The following EYS variants were observed in gnomAD, a reference collection of about 807,000 sequenced individuals.
EYS encodes EGF-like photoreceptor maintenance factor, also known as protein eyes shut homolog.
A neutral mutation model predicts 282.1 loss-of-function variants in EYS; 250 were observed. That is an observed-to-expected ratio of 0.89 (90% CI 0.80 to 0.98). EYS has a LOEUF of 0.98. Among genes scored for constraint, EYS ranks in the 50% least tolerant of loss-of-function variants. EYS has a pLI of 0.00. For synonymous variants in EYS, 1,355 were observed against 1,282.9 expected (o/e 1.06, Z -1.20); for missense variants, 4,016 against 3,709.0 (o/e 1.08, Z -2.15).
intron 35 of EYS, among the ~76,000 whole-genome samples, chr6:63,909,941 T>C (rs1010211777): frequency 6.6e-6 from 1 of 152,080 alleles, no homozygotes; most frequent in Non-Finnish European, 1.5e-5. Flanking sequence ...GGTCATGAAG[T>C]GATATTTTTA....
intron 5 of EYS, among the ~76,000 whole-genome samples, chr6:65,484,998 C>T (rs528157935): frequency 7.2e-5 from 11 of 152,310 alleles, no homozygotes; most frequent in African/African-American, 2.4e-4. Flanking sequence ...TATTTACTAT[C>T]TAACTCTTTA....
chr6:64,050,829 G>A (rs1770786237), intron 33 of EYS, among the ~76,000 whole-genome samples: 1 of 152,182 alleles, frequency 6.6e-6, no homozygotes, highest in Non-Finnish European at 1.5e-5. Flanking sequence ...AAATCTGGCA[G>A]TATGACTAAG....
intron 31 of EYS, among the ~76,000 whole-genome samples, chr6:64,133,140 T>TA (rs540682557): frequency 0.014 from 2,149 of 152,134 alleles, 52 homozygotes; most frequent in African/African-American, 0.048. Context: ...GTATTTTTTG[T>TA]AACAAAAAAG....
intron 1 of EYS, among the ~76,000 whole-genome samples, chr6:65,699,432 CA>C (rs138706833): frequency 1.2e-4 from 17 of 145,008 alleles, no homozygotes; most frequent in Non-Finnish European, 9.1e-5. Context: ...AATTACAAAA[CA>C]AAAAAAAAAG....
Position 65,219,363 on chromosome 6 carries a change from C to T in EYS, c.2023+76500G>A, listed in dbSNP as rs145283727. Reference sequence around the variant, plus strand: ...AGAGAAAATTGGTGATTGGTAAAACCATACAGAATAGTTCACAACCTAAAT... The same window carrying T: ...AGAGAAAATTGGTGATTGGTAAAACTATACAGAATAGTTCACAACCTAAAT... On this transcript the variant is annotated intron_variant, in intron 12 of 42. Transcript: ENST00000503581. 4.4e-3 allele frequency among the ~76,000 whole-genome samples: 663 copies of T among 152,064 alleles called. 3 individuals carry two copies. The highest frequency in any genetic ancestry group is 0.015 in the African/African-American group (609 of 41,502).
rs560010740 is a variant in EYS, at chr6:65,092,409, C to T, written c.2024-34682G>A. Among the ~76,000 whole-genome samples, 121 of 152,180 alleles carry T rather than the reference C, an allele frequency of 8.0e-4. 1 individual carries two copies. In the South Asian group the frequency reaches 0.024, roughly 30 times the overall value. On this transcript the variant is annotated intron_variant, in intron 12 of 42. Coordinates refer to ENST00000503581, the MANE Select transcript of EYS (RefSeq NM_001142800.2). Reference sequence around the variant, plus strand: ...TAATAACTACTCATATATTTACCAGCGCCTGAAAATCAAATGTGTTATAAC... The same window carrying T: ...TAATAACTACTCATATATTTACCAGTGCCTGAAAATCAAATGTGTTATAAC...
intron 11 of EYS, among the ~76,000 whole-genome samples, chr6:65,309,438 A>C (rs1769097214): frequency 6.6e-6 from 1 of 152,152 alleles, no homozygotes; most frequent in African/African-American, 2.4e-5. Flanking sequence ...GGCCTGATAG[A>C]CTTGTCATAT....
intron 36 of EYS, among the ~76,000 whole-genome samples, chr6:63,838,664 G>T (rs1189433124): frequency 6.6e-6 from 1 of 152,098 alleles, no homozygotes; most frequent in Non-Finnish European, 1.5e-5. Flanking sequence ...GGCCAGTGGG[G>T]GCTGAAGTGG....
intron 12 of EYS, among the ~76,000 whole-genome samples, chr6:65,291,147 A>G (rs997324928): frequency 3.3e-5 from 5 of 151,740 alleles, no homozygotes; most frequent in South Asian, 2.1e-4. Flanking sequence ...AGTAAGATAC[A>G]CTTCTCAGGA....
chr6:63,955,507 C>T (rs924864610), intron 35 of EYS, among the ~76,000 whole-genome samples: 2 of 152,156 alleles, frequency 1.3e-5, no homozygotes, highest in African/African-American at 4.8e-5. Flanking sequence ...TACCTCTCCC[C>T]AGCTATCTCC....
At chr6:65,192,628 T>C (rs1223359556) in intron 12 of EYS, among the ~76,000 whole-genome samples, 3 of 151,772 alleles carry the variant, frequency 2.0e-5, no homozygotes, top group Non-Finnish European at 4.4e-5. Context: ...ATGGTTTGAA[T>C]GTAGTTTGTC....
chr6:65,045,124 A>C lies in EYS; in HGVS notation c.2137+12490T>G, dbSNP rs150573845. Among the ~76,000 whole-genome samples the C allele has an allele frequency of 1.1e-4, 16 of 151,988 alleles. 2 individuals carry two copies. The highest frequency in any genetic ancestry group is 3.6e-4 in the African/African-American group (15 of 41,532). On this transcript the variant is annotated intron_variant, in intron 13 of 42. Coordinates refer to ENST00000503581, the MANE Select transcript of EYS (RefSeq NM_001142800.2). ...AGAGTTCACAATTGTCATCTGAAGAATGGTTTGTCTATATGCTATTCCACC... is the reference window on the plus strand; with the variant it reads ...AGAGTTCACAATTGTCATCTGAAGACTGGTTTGTCTATATGCTATTCCACC...
At chr6:65,539,737 A>C (rs1768094513) in intron 2 of EYS, among the ~76,000 whole-genome samples, 1 of 152,210 alleles carries the variant, frequency 6.6e-6, no homozygotes, top group Admixed American at 6.5e-5. Context: ...TTGCTTTAAA[A>C]AATTTAGATG....
intron 31 of EYS, among the ~76,000 whole-genome samples, chr6:64,098,239 A>G (rs2150257104): frequency 6.6e-6 from 1 of 152,338 alleles, no homozygotes; most frequent in African/African-American, 2.4e-5. Context: ...ATTTTGTACT[A>G]TAAAATAAGA....
chr6:65,436,007 A>C (rs965048116), intron 5 of EYS, among the ~76,000 whole-genome samples: 2 of 152,174 alleles, frequency 1.3e-5, no homozygotes, highest in African/African-American at 4.8e-5. Context: ...TTTAGTTTTT[A>C]AGCCATCCAG....
At chr6:65,073,451 G>T (rs1773954889) in intron 12 of EYS, among the ~76,000 whole-genome samples, 1 of 151,562 alleles carries the variant, frequency 6.6e-6, no homozygotes, top group Non-Finnish European at 1.5e-5. Context: ...AAAATAAGCA[G>T]CAGAGATCAA....
chr6:65,319,712 A>AAGAGGAATGACGC (rs1216327590), intron 11 of EYS, among the ~76,000 whole-genome samples: 3 of 152,190 alleles, frequency 2.0e-5, no homozygotes, highest in Non-Finnish European at 1.5e-5. Flanking sequence ...GGTTGGTTGA[A>AAGAGGAATGACGC]AGAGGAATGA....
At chr6:63,868,631 T>A (rs1306664648) in intron 35 of EYS, among the ~76,000 whole-genome samples, 1 of 152,078 alleles carries the variant, frequency 6.6e-6, no homozygotes, top group East Asian at 1.9e-4. Flanking sequence ...AAATAACCCA[T>A]CTCTATGTAT....
intron 22 of EYS, among the ~76,000 whole-genome samples, chr6:64,686,523 C>T (rs1026051815): frequency 6.6e-6 from 1 of 150,778 alleles, no homozygotes; most frequent in African/African-American, 2.4e-5. Flanking sequence ...GGGCGGATCA[C>T]GAGGTCAGGA....
Sources: gnomAD v4.1 joint callset for allele counts (sites outside exome capture counted in the v4.1 genomes callset) on GRCh38, gnomAD v4.1.1 for gene constraint, MANE v1.5 for transcripts, NCBI Gene and HGNC (gene_info 2026-07-23, HGNC 2026-07-21) for gene names.